Variants in ACAN observed in about 807,000 individuals in gnomAD.
The protein encoded by ACAN is aggrecan core protein.
A neutral mutation model predicts 169.1 loss-of-function variants in ACAN; 47 were observed. The ratio of observed to expected loss-of-function variants is 0.28; its 90% CI spans 0.22 to 0.35. The LOEUF (loss-of-function observed/expected upper bound fraction) is 0.35, where lower values mean the gene tolerates loss of function less well. ACAN is among the 10% of genes least tolerant of loss of function. ACAN has a pLI of 1.00. For missense variants in ACAN, 2,716 were observed against 2,759.9 expected (o/e 0.98, Z 0.36); for synonymous variants, 1,115 against 1,112.2 (o/e 1.00, Z -0.05).
chr15:88,858,399 C>T lies in ACAN; in HGVS notation c.5814C>T (p.Asp1938=). The change falls in exon 12 of 19, where the codon GAC becomes GAT. Residue 1938 remains aspartate, a synonymous_variant. Coordinates refer to ENST00000560601, the MANE Select transcript of ACAN (RefSeq NM_001369268.1). The surrounding 1 kb of genome is among the most constrained non-coding windows in gnomAD (Gnocchi z 4.0). Reference sequence around the variant, plus strand: ...GTTTCCCCACTGTCTCTCTTGTAGACAGAACTTTGGTGGAATCTGTAACCC... The same window carrying T: ...GTTTCCCCACTGTCTCTCTTGTAGATAGAACTTTGGTGGAATCTGTAACCC... ...PSSFPTVSLV[D]RTLVESVTQA... The T allele has an allele frequency of 6.2e-7, 1 of 1,613,806 alleles. No homozygotes were observed. The highest frequency in any genetic ancestry group is 8.5e-7 in the Non-Finnish European group (1 of 1,179,896).
At position 88,872,374 on chromosome 15, in the gene ACAN, A is replaced by G. The variant is rs1309311641; in HGVS notation, c.7302+289A>G. ...AGCTTTAGAGAGGTTTCTTGCCCAC[A>G]CTGAACTCGAGTCTACTCAAGGAGA... is the stretch of plus-strand genomic sequence containing the variant. On this transcript the variant is annotated intron_variant, in intron 16 of 18. Transcript: ENST00000560601. The surrounding 1 kb of genome is among the most constrained non-coding windows in gnomAD (Gnocchi z 5.4). Among the ~76,000 whole-genome samples the G allele has an allele frequency of 2.0e-5, 3 of 152,174 alleles. No individual in the cohort carries two copies. The highest frequency in any genetic ancestry group is 2.1e-4 in the South Asian group (1 of 4,822).
In ACAN at chr15:88,869,707, T is replaced by A. The variant is rs1287372055; in HGVS notation, c.7060+1378T>A. On this transcript the variant is annotated intron_variant, in intron 14 of 18. Coordinates refer to ENST00000560601, the MANE Select transcript of ACAN (RefSeq NM_001369268.1). The surrounding 1 kb of genome is among the most constrained non-coding windows in gnomAD (Gnocchi z 4.2). ...TCTGTACCCTGATGGGGCAGAGAGA[T>A]GGTGACAGAGCCACCCAGCTCGGCC... Among the ~76,000 whole-genome samples the A allele has an allele frequency of 6.6e-6, 1 of 152,150 alleles. No individual in the cohort carries two copies. The highest frequency in any genetic ancestry group is 1.5e-5 in the Non-Finnish European group (1 of 68,022).
At chr15:88,841,084 G>T (rs1307553858) in intron 4 of ACAN, among the ~76,000 whole-genome samples, 8 of 152,256 alleles carry the variant, frequency 5.3e-5, no homozygotes, top group African/African-American at 1.9e-4. Context: ...GGTGGAGCTT[G>T]CAGTGAGCCG....
rs748987964 is a variant in ACAN, at chr15:88,847,245, G to T, written c.1432G>T (p.Val478Phe). The T allele has an allele frequency of 1.7e-5, 26 of 1,546,248 alleles. No individual in the cohort carries two copies. The Middle Eastern group carries it at 6.5e-4, about 39-fold the overall frequency. Residue 478 changes from valine to phenylalanine, a missense_variant and splice_region_variant, in exon 8 of 19, where the codon GTC (valine) becomes TTC (phenylalanine). By Grantham distance (50) the Val-to-Phe change is conservative. Around this residue, in one of 3 missense-constraint regions of ACAN, gnomAD observed 1,283 missense variants for 1,281.5 expected, o/e 1.00. Coordinates refer to ENST00000560601, the MANE Select transcript of ACAN (RefSeq NM_001369268.1). The stretch of plus-strand genomic sequence containing the variant: ...ACCGCTCCCTCCTCCCCACCCAGGG[G>T]TCGTCTTCCACTACCGCCCGGGACC... ...VPGQPHLPGG[V>F]VFHYRPGPTR...
Position 88,874,224 on chromosome 15 carries a change from G to T in ACAN, c.7631-181G>T, listed in dbSNP as rs1897456865. On this transcript the variant is annotated intron_variant, in intron 18 of 18. Coordinates refer to ENST00000560601, the MANE Select transcript of ACAN (RefSeq NM_001369268.1). This position sits in a 1 kb window ranked among gnomAD's most constrained non-coding sequence, Gnocchi z 7.3. ...ACTTGTCCCAGGAGAGGGCTCACTT[G>T]GAGGATGAAGGAGAAAAAGCCAGAA... Among the ~76,000 whole-genome samples, 1 of 152,190 alleles carries T rather than the reference G, an allele frequency of 6.6e-6. No homozygotes were observed. The highest frequency in any genetic ancestry group is 1.5e-5 in the Non-Finnish European group (1 of 68,040).
rs376494758 is a variant in ACAN, at chr15:88,836,830, C to T, written c.70+554C>T. Reference sequence around the variant, plus strand: ...CCAGCATTGGACCAAATGAGCAAAACTTCCACTGACCCCAGGATGGGCTTG... The same window carrying T: ...CCAGCATTGGACCAAATGAGCAAAATTTCCACTGACCCCAGGATGGGCTTG... On this transcript the variant is annotated intron_variant, in intron 2 of 18. Transcript: ENST00000560601. 1.1e-3 allele frequency among the ~76,000 whole-genome samples: 168 copies of T among 152,326 alleles called. 1 individual carries two copies. The highest frequency in any genetic ancestry group is 3.3e-3 in the African/African-American group (137 of 41,586).
At chr15:88,816,274 G>A (rs1373749933) in intron 1 of ACAN, among the ~76,000 whole-genome samples, 2 of 152,068 alleles carry the variant, frequency 1.3e-5, no homozygotes, top group Admixed American at 6.5e-5. Context: ...TTGGTGGGAG[G>A]GACTCAGTTC....
chr15:88,851,678 A>G lies in ACAN; in HGVS notation c.2027-116A>G, dbSNP rs532352286. The G allele has an allele frequency of 6.2e-6, 8 of 1,286,906 alleles. No individual in the cohort carries two copies. In the African/African-American group the frequency reaches 9.0e-5, roughly 15 times the overall value. The allele number at this position is 1,286,906 out of a possible 1,614,324, so 79.7% of individuals were successfully genotyped here. A position where few individuals can be genotyped will look rare whatever the true frequency, so the allele number is the denominator to read the frequency against. The stretch of plus-strand genomic sequence containing the variant: ...GAGAAGGCAAACAGCCATCTGCTGA[A>G]CTAGGAGGTGGGGCCTGGCCACCTC... On this transcript the variant is annotated intron_variant, in intron 10 of 18. Coordinates refer to ENST00000560601, the MANE Select transcript of ACAN (RefSeq NM_001369268.1). The surrounding 1 kb of genome is among the most constrained non-coding windows in gnomAD (Gnocchi z 4.3).
intron 13 of ACAN, among the ~76,000 whole-genome samples, chr15:88,865,259 A>G (rs1897261508): frequency 6.6e-6 from 1 of 152,124 alleles, no homozygotes; most frequent in South Asian, 2.1e-4. Flanking sequence ...GGGTAGCTGT[A>G]GCAGCAATGC....
Position 88,869,805 on chromosome 15 carries a change from C to T in ACAN, c.7060+1476C>T, listed in dbSNP as rs371213337. ...CCAATCCTGAGTCCTCACCACTCCA[C>T]GGTGCCTCCTGCCTTGGCTCTGTCC... On this transcript the variant is annotated intron_variant, in intron 14 of 18. Transcript: ENST00000560601. This position sits in a 1 kb window ranked among gnomAD's most constrained non-coding sequence, Gnocchi z 4.2. 3.9e-5 allele frequency among the ~76,000 whole-genome samples: 6 copies of T among 152,180 alleles called. No homozygotes were observed. The highest frequency in any genetic ancestry group is 6.5e-5 in the Admixed American group (1 of 15,278).
At chr15:88,811,005 A>C (rs1444535122) in intron 1 of ACAN, among the ~76,000 whole-genome samples, 1 of 152,090 alleles carries the variant, frequency 6.6e-6, no homozygotes, top group Admixed American at 6.5e-5. Flanking sequence ...TTTGTCCTTT[A>C]GGGGAGTGAG....
At chr15:88,847,866 C>T (rs141280040) in intron 8 of ACAN, 45 bp from the exon 9 acceptor site, 893 of 1,600,272 alleles carry the variant, frequency 5.6e-4, no homozygotes, top group Middle Eastern at 1.4e-3. Flanking sequence ...CATCTACCAG[C>T]CCCTGGAACA....
chr15:88,851,551 A>G lies in ACAN; in HGVS notation c.2027-243A>G, dbSNP rs1596141562. 1 of 465,100 alleles carries G rather than the reference A, an allele frequency of 2.2e-6. No homozygotes were observed. Among genetic ancestry groups the G allele is most frequent in the South Asian group, 4.2e-5 (1 of 23,768 alleles). 28.8% of individuals were successfully genotyped at this position (465,100 alleles called of 1,614,324 possible). The stretch of plus-strand genomic sequence containing the variant: ...AAGGCTTTAGAGCAATGCCCGGCAT[A>G]TATGGTCAATTCTGCAGGGGAGATG... On this transcript the variant is annotated intron_variant, in intron 10 of 18. Transcript: ENST00000560601. This position sits in a 1 kb window ranked among gnomAD's most constrained non-coding sequence, Gnocchi z 4.3.
rs866318200 is a variant in ACAN at position 88,852,109 on chromosome 15, G to A, written c.2266+76G>A. 2.5e-5 allele frequency: 37 copies of A among 1,499,712 alleles called. No individual in the cohort carries two copies. The Middle Eastern group carries it at 1.2e-3, about 50-fold the overall frequency. The allele number at this position is 1,499,712 out of a possible 1,614,324, so 92.9% of individuals were successfully genotyped here. ...CTTCCTACAGTGTGCCTGGTGGGGC[G>A]GGGGGGTTCCCTCCCTGGGATTTGT... On this transcript the variant is annotated intron_variant, in intron 11 of 18. Transcript: ENST00000560601.
chr15:88,853,413 G>A (rs1442328155), intron 11 of ACAN, among the ~76,000 whole-genome samples: 1 of 152,198 alleles, frequency 6.6e-6, no homozygotes, highest in Non-Finnish European at 1.5e-5. Context: ...CAAGGTGGGA[G>A]GACCACTTGA....
chr15:88,828,043 A>G (rs995387515), intron 1 of ACAN, among the ~76,000 whole-genome samples: 1 of 152,154 alleles, frequency 6.6e-6, no homozygotes, highest in East Asian at 1.9e-4. Context: ...AAGAAGCCAC[A>G]AGCCAAGATG....
In ACAN at chr15:88,838,670, C is replaced by A. The variant is rs1250848987; in HGVS notation, c.78C>A (p.Asp26Glu). ...AAVTVETSDH[D>E]NSLSVSIPQP... The stretch of plus-strand genomic sequence containing the variant: ...CCCACCTCTCCCACACAGACCATGA[C>A]AACTCGCTGAGTGTCAGCATCCCCC... The change falls in exon 3 of 19, where the codon GAC (aspartate) becomes GAA (glutamate). Residue 26 changes from aspartate (D) to glutamate (E), a missense_variant. Coordinates refer to ENST00000560601, the MANE Select transcript of ACAN (RefSeq NM_001369268.1). This position sits in a 1 kb window ranked among gnomAD's most constrained non-coding sequence, Gnocchi z 5.1. The A allele has an allele frequency of 6.3e-7, 1 of 1,581,078 alleles. No homozygotes were observed. The highest frequency in any genetic ancestry group is 1.7e-5 in the Admixed American group (1 of 58,524).
Position 88,843,492 on chromosome 15 carries a change from G to A in ACAN, c.895G>A (p.Ala299Thr), listed in dbSNP as rs764260441. 144 of 1,611,998 alleles carry A rather than the reference G, an allele frequency of 8.9e-5. No homozygotes were observed. The highest frequency in any genetic ancestry group is 2.8e-4 in the Admixed American group (17 of 59,900). Residue 299 changes from alanine to threonine, a missense_variant, in exon 6 of 19, where the codon GCC becomes ACC. This residue lies in a region of ACAN where 1,283 missense variants were observed against 1,281.5 expected (regional missense o/e 1.00). Coordinates refer to ENST00000560601, the MANE Select transcript of ACAN (RefSeq NM_001369268.1). This position sits in a 1 kb window ranked among gnomAD's most constrained non-coding sequence, Gnocchi z 4.0. ...GCAGGCTGGCATGGACATGTGCAGC[G>A]CCGGCTGGCTGGCCGACCGCAGCGT... Reference protein sequence around the residue: ...AWQAGMDMCSAGWLADRSVRY... With the variant: ...AWQAGMDMCSTGWLADRSVRY...
chr15:88,854,977 G>T lies in ACAN; in HGVS notation c.2392G>T (p.Glu798Ter). Residue 798 changes from glutamate to a stop codon, truncating the protein, a stop_gained, in exon 12 of 19, where the codon GAG becomes TAG. Coordinates refer to ENST00000560601, the MANE Select transcript of ACAN (RefSeq NM_001369268.1). LOFTEE classifies it high-confidence loss of function. ...SPSEVPFPSEEPSPSEEPFPS... is the reference protein window; with the variant it reads ...SPSEVPFPSE The stretch of plus-strand genomic sequence containing the variant: ...CTCAGAGGTGCCATTCCCCTCAGAG[G>T]AGCCATCCCCCTCAGAGGAACCATT... 1 of 1,599,136 alleles carries T rather than the reference G, an allele frequency of 6.3e-7. No individual in the cohort carries two copies. Among genetic ancestry groups the T allele is most frequent in the Non-Finnish European group, 8.5e-7 (1 of 1,173,490 alleles).
Sources: allele counts gnomAD v4.1 joint callset (sites outside exome capture counted in the v4.1 genomes callset), GRCh38; gene constraint gnomAD v4.1.1; regional missense constraint gnomAD v4.1.1; non-coding constraint Gnocchi (gnomAD v3.1); transcripts MANE v1.5; gene names NCBI Gene and HGNC (gene_info 2026-07-23, HGNC 2026-07-21).